The following RNF111 variants were observed in gnomAD, a reference collection of about 807,000 sequenced individuals.
RNF111 encodes the protein ring finger protein 111, also known as E3 ubiquitin-protein ligase Arkadia.
RNF111 carries 17 observed loss-of-function variants against 95.1 expected under a neutral mutation model. The ratio of observed to expected loss-of-function variants is 0.18; its 90% CI spans 0.12 to 0.27. RNF111 has a LOEUF of 0.27. Ranked by LOEUF, RNF111 falls within the 10% of genes least tolerant of loss-of-function variation. The pLI is 1.00. For synonymous variants in RNF111, 440 were observed against 414.8 expected (o/e 1.06, Z -0.74); for missense variants, 1,189 against 1,210.4 (o/e 0.98, Z 0.26).
At chr15:58,989,678 A>G (rs1447648048) in intron 1 of RNF111, among the ~76,000 whole-genome samples, 1 of 152,208 alleles carries the variant, frequency 6.6e-6, no homozygotes, top group Non-Finnish European at 1.5e-5. Flanking sequence ...GTTACATCTT[A>G]ACGAATTTCA....
At chr15:59,088,717 G>A (rs964473483) in intron 10 of RNF111, among the ~76,000 whole-genome samples, 2 of 152,146 alleles carry the variant, frequency 1.3e-5, no homozygotes, top group African/African-American at 4.8e-5. Flanking sequence ...GCAAACCTCT[G>A]TTCACAACTA....
intron 6 of RNF111, among the ~76,000 whole-genome samples, chr15:59,070,741 G>T (rs1400529386): frequency 6.6e-6 from 1 of 152,128 alleles, no homozygotes; most frequent in South Asian, 2.1e-4. Flanking sequence ...AGCACCCAGA[G>T]TTCCTTTTGT....
chr15:59,064,822 A>T (rs2042589013), intron 5 of RNF111, among the ~76,000 whole-genome samples: 1 of 151,972 alleles, frequency 6.6e-6, no homozygotes, highest in African/African-American at 2.4e-5. Context: ...CCTTGAAGAG[A>T]TGAGAATCCG....
intron 13 of RNF111, 94 bp downstream of exon 13, chr15:59,092,734 G>T: frequency 7.9e-7 from 1 of 1,259,868 alleles, no homozygotes; most frequent in Non-Finnish European, 1.1e-6. Context: ...TGGCTCACAC[G>T]TGTAATTCCA....
intron 1 of RNF111, among the ~76,000 whole-genome samples, chr15:59,003,336 C>T (rs2141462848): frequency 6.6e-6 from 1 of 152,182 alleles, no homozygotes; most frequent in South Asian, 2.1e-4. Flanking sequence ...AACTCCTGAG[C>T]TCAAGCCATC....
intron 2 of RNF111, among the ~76,000 whole-genome samples, chr15:59,038,996 C>T (rs150250552): frequency 1.8e-4 from 28 of 152,228 alleles, no homozygotes; most frequent in African/African-American, 6.0e-4. Flanking sequence ...TGGAGTTTCA[C>T]TTTTGTTGCC....
intron 6 of RNF111, 42 bp downstream of exon 6, chr15:59,067,125 GTCTC>G (rs146735071): frequency 2.8e-5 from 40 of 1,448,832 alleles, no homozygotes; most frequent in Admixed American, 5.2e-5. Flanking sequence ...TGCCCCTCTT[GTCTC>G]TCTCTCTCTC....
intron 7 of RNF111, 105 bp downstream of exon 7, chr15:59,076,320 T>G: frequency 7.6e-7 from 1 of 1,315,448 alleles, no homozygotes; most frequent in Non-Finnish European, 1.0e-6. Flanking sequence ...TTTTTAGTAT[T>G]TACTTGGCTT....
chr15:59,072,417 G>A (rs1456122905), intron 6 of RNF111, among the ~76,000 whole-genome samples: 2 of 147,396 alleles, frequency 1.4e-5, no homozygotes, highest in Non-Finnish European at 3.0e-5. Flanking sequence ...TTAAGTTGAT[G>A]TGATATTCTA....
intron 1 of RNF111, among the ~76,000 whole-genome samples, chr15:58,999,705 ATTAG>A (rs1399837404): frequency 6.6e-6 from 1 of 152,148 alleles, no homozygotes; most frequent in Non-Finnish European, 1.5e-5. Flanking sequence ...GGGTAAGGGT[ATTAG>A]TTCGTTCTCA....
In RNF111 at chr15:59,066,752, TTC is replaced by T; in HGVS notation, c.1367-10_1367-9del. 6.2e-7 allele frequency: 1 copy of T among 1,603,478 alleles called. No individual in the cohort carries two copies. Among genetic ancestry groups the T allele is most frequent in the Non-Finnish European group, 8.5e-7 (1 of 1,172,386 alleles). On this transcript the variant is annotated splice_polypyrimidine_tract_variant and intron_variant, in intron 5 of 13. Coordinates refer to ENST00000348370, the MANE Select transcript of RNF111 (RefSeq NM_017610.8). Reference sequence around the variant, plus strand: ...TGATTTGATTATTCTGTGCATTTTTTTCTGTTTCAAGATGACTCAAGGAGAAC... The same window carrying T: ...TGATTTGATTATTCTGTGCATTTTTTTGTTTCAAGATGACTCAAGGAGAAC...
At chr15:59,007,754 G>A (rs1303291817) in intron 1 of RNF111, among the ~76,000 whole-genome samples, 1 of 152,164 alleles carries the variant, frequency 6.6e-6, no homozygotes, top group Non-Finnish European at 1.5e-5. Flanking sequence ...TTCCTCTGGT[G>A]ACTAAAGATA....
rs928174109 is a variant in RNF111, at chr15:59,021,622, G to A, written c.-19-9182G>A. On this transcript the variant is annotated intron_variant, in intron 1 of 13. Transcript: ENST00000348370. ...TTTAACCGTTACGGAATTTTATGAG[G>A]TAAGTACTATTATTATTCCAATTTT... Among the ~76,000 whole-genome samples the A allele has an allele frequency of 2.0e-5, 3 of 152,052 alleles. No individual in the cohort carries two copies. The South Asian group carries it at 6.2e-4, about 31-fold the overall frequency.
intron 5 of RNF111, among the ~76,000 whole-genome samples, chr15:59,064,412 T>C (rs1215837613): frequency 6.6e-6 from 1 of 151,560 alleles, no homozygotes; most frequent in Non-Finnish European, 1.5e-5. Context: ...GGCGGGCGCC[T>C]GTAGTCCCAG....
chr15:59,040,520 C>A (rs1337819162), intron 2 of RNF111, among the ~76,000 whole-genome samples: 1 of 152,056 alleles, frequency 6.6e-6, no homozygotes, highest in Non-Finnish European at 1.5e-5. Flanking sequence ...ATTTCCACTG[C>A]AAGTTTAGGA....
At chr15:58,998,445 T>C (rs1189089661) in intron 1 of RNF111, among the ~76,000 whole-genome samples, 1 of 152,154 alleles carries the variant, frequency 6.6e-6, no homozygotes, top group Non-Finnish European at 1.5e-5. Context: ...CTTCCCCTCA[T>C]TGTGTCCGTA....
At position 59,079,619 on chromosome 15, in the gene RNF111, C is replaced by T. The variant is rs186681244; in HGVS notation, c.1949-1317C>T. 1.7e-4 allele frequency among the ~76,000 whole-genome samples: 26 copies of T among 150,592 alleles called. No individual in the cohort carries two copies. In the East Asian group the frequency reaches 5.0e-3, roughly 29 times the overall value. On this transcript the variant is annotated intron_variant, in intron 7 of 13. Coordinates refer to ENST00000348370, the MANE Select transcript of RNF111 (RefSeq NM_017610.8). ...ATATCAGACTTCCAAGAACATCTTC[C>T]AATAAAATGAAATTTGTATTGAAAT...
At chr15:59,062,392 T>A (rs1415986569) in intron 5 of RNF111, among the ~76,000 whole-genome samples, 2 of 152,194 alleles carry the variant, frequency 1.3e-5, no homozygotes, top group East Asian at 1.9e-4. Flanking sequence ...TCCTGGACCG[T>A]TCTGCAGTCA....
chr15:59,020,100 TATAA>T (rs2040262369), intron 1 of RNF111, among the ~76,000 whole-genome samples: 1 of 148,602 alleles, frequency 6.7e-6, no homozygotes, highest in Admixed American at 6.7e-5. Flanking sequence ...TTATATAAGA[TATAA>T]ATATATATTT....
Sources: gnomAD v4.1 joint callset for allele counts (sites outside exome capture counted in the v4.1 genomes callset) on GRCh38, gnomAD v4.1.1 for gene constraint, MANE v1.5 for transcripts, NCBI Gene and HGNC (gene_info 2026-07-23, HGNC 2026-07-21) for gene names.